FANCI: variants seen among roughly 807,000 people sequenced by gnomAD.
The protein encoded by FANCI is FA complementation group I.
Under a neutral mutation model 176.1 loss-of-function variants are expected in FANCI, and 156 were observed. The ratio of observed to expected loss-of-function variants is 0.89; its 90% confidence interval spans 0.78 to 1.01. The LOEUF is 1.01. Among genes scored for constraint, FANCI ranks in the 50% least tolerant of loss-of-function variants. The pLI is 0.00. For synonymous variants in FANCI, 613 were observed against 541.7 expected (o/e 1.13, Z -1.83); for missense variants, 1,678 against 1,534.1 (o/e 1.09, Z -1.57).
intron 26 of FANCI, among the ~76,000 whole-genome samples, chr15:89,301,082 T>C (rs2054508871): frequency 6.6e-6 from 1 of 152,232 alleles, no homozygotes; most frequent in Non-Finnish European, 1.5e-5. Flanking sequence ...ATTATCTACA[T>C]TTTGCATGGG....
chr15:89,260,048 C>A (rs541832086), intron 3 of FANCI, among the ~76,000 whole-genome samples: 2 of 148,324 alleles, frequency 1.3e-5, no homozygotes, highest in Non-Finnish European at 3.0e-5. Context: ...ACTGAGAAAC[C>A]GCCAAACTGT....
chr15:89,252,146 A>G (rs1424145341), intron 2 of FANCI, among the ~76,000 whole-genome samples: 2 of 152,016 alleles, frequency 1.3e-5, no homozygotes, highest in South Asian at 2.1e-4. Context: ...CTAAAAATAT[A>G]AAAATTAGCT....
At chr15:89,287,735 C>A (rs1169341894) in intron 18 of FANCI, among the ~76,000 whole-genome samples, 1 of 152,036 alleles carries the variant, frequency 6.6e-6, no homozygotes, top group Non-Finnish European at 1.5e-5. Flanking sequence ...TATTAATTGA[C>A]CTAATTTCAA....
intron 34 of FANCI, 88 bp from the exon 35 acceptor site, chr15:89,312,816 T>TA (rs11321073): frequency 0.024 from 20,990 of 858,434 alleles, 11 homozygotes; most frequent in Non-Finnish European, 0.029. Flanking sequence ...AGCTCTGTCT[T>TA]AAAAAAAAAA....
At chr15:89,309,263 G>T (rs1421358279) in intron 34 of FANCI, among the ~76,000 whole-genome samples, 1 of 151,994 alleles carries the variant, frequency 6.6e-6, no homozygotes, top group African/African-American at 2.4e-5. Context: ...CTATATATAG[G>T]ATATATATCT....
intron 2 of FANCI, among the ~76,000 whole-genome samples, chr15:89,253,914 A>ATAAAT (rs10657619): frequency 0.5 from 76,286 of 151,428 alleles, 19,539 homozygotes; most frequent in African/African-American, 0.6. Context: ...TAAGAGAAAA[A>ATAAAT]TAAAATAAAA....
At chr15:89,303,794 C>CT in intron 27 of FANCI, 70 bp from the exon 28 acceptor site, 1 of 1,386,770 alleles carries the variant, frequency 7.2e-7, no homozygotes, top group Non-Finnish European at 1.0e-6. Context: ...GTCTAGAACT[C>CT]TTCTGTTCTG....
intron 31 of FANCI, 114 bp from the exon 32 acceptor site, chr15:89,305,893 T>G (rs1194253495): frequency 2.6e-6 from 3 of 1,152,898 alleles, no homozygotes; most frequent in African/African-American, 1.5e-5. Context: ...GCATATTGAA[T>G]GTTCGTTTTT....
chr15:89,276,830 C>A lies in FANCI; in HGVS notation c.1232C>A (p.Ser411Tyr), dbSNP rs966274221. ...GKTIETSPSL[S>Y]RMPNQHACKL... is the part of the protein sequence containing the mutation. ...ACTATTGAAACCAGCCCAAGTCTTT[C>A]TAGAATGCCAAACCAGCATGCATGT... The change falls in exon 13 of 38, where the codon TCT (serine) becomes TAT (tyrosine). Residue 411 changes from serine (S) to tyrosine (Y), a missense_variant. Ser to Tyr is a moderately radical substitution (Grantham distance 144, BLOSUM62 -2). This residue lies in a region of FANCI where 1,204 missense variants were observed against 1,077.4 expected (regional missense o/e 1.12). Transcript: ENST00000310775. 6.2e-7 allele frequency: 1 copy of A among 1,614,014 alleles called. No individual in the cohort carries two copies. The highest frequency in any genetic ancestry group is 1.1e-5 in the South Asian group (1 of 91,084).
chr15:89,267,608 C>T (rs1264138259), intron 9 of FANCI, among the ~76,000 whole-genome samples: 1 of 152,008 alleles, frequency 6.6e-6, no homozygotes, highest in African/African-American at 2.4e-5. Context: ...TATGACTATA[C>T]ACATTTATTT....
At chr15:89,292,652 C>T in intron 20 of FANCI, 36 bp from the exon 21 acceptor site, 1 of 1,600,318 alleles carries the variant, frequency 6.2e-7, no homozygotes. Context: ...TCCATCAACA[C>T]TCAAGAGTAT....
intron 25 of FANCI, 46 bp downstream of exon 25, chr15:89,300,012 T>G: frequency 1.9e-6 from 3 of 1,598,522 alleles, no homozygotes; most frequent in Non-Finnish European, 2.6e-6. Context: ...AGGTTTCTCC[T>G]TAGCTCAACC....
intron 24 of FANCI, among the ~76,000 whole-genome samples, chr15:89,297,549 A>C (rs2054348463): frequency 6.6e-6 from 1 of 152,200 alleles, no homozygotes; most frequent in African/African-American, 2.4e-5. Context: ...ACTCGTGGTT[A>C]GGAGCTGGAG....
chr15:89,299,039 TG>T (rs1445781802), intron 24 of FANCI, among the ~76,000 whole-genome samples: 5 of 151,918 alleles, frequency 3.3e-5, no homozygotes, highest in Non-Finnish European at 7.4e-5. Flanking sequence ...CTGGGCGTGG[TG>T]GTATGCACTT....
At chr15:89,281,917 C>T in intron 16 of FANCI, 82 bp downstream of exon 16, 1 of 1,221,950 alleles carries the variant, frequency 8.2e-7, no homozygotes, top group South Asian at 1.2e-5. Flanking sequence ...CTCCTAGTAC[C>T]ACCTGTTCAC....
chr15:89,278,795 G>T, intron 14 of FANCI, 21 bp downstream of exon 14: 1 of 1,583,988 alleles, frequency 6.3e-7, no homozygotes. Flanking sequence ...TTGAAAGAAT[G>T]AATAAAGTTT....
At chr15:89,285,580 G>C (rs1421165739) in intron 18 of FANCI, among the ~76,000 whole-genome samples, 1 of 152,194 alleles carries the variant, frequency 6.6e-6, no homozygotes, top group Non-Finnish European at 1.5e-5. Context: ...TCACACCACT[G>C]CCCTCCAACC....
At chr15:89,259,647 T>A (rs2052634175) in intron 3 of FANCI, among the ~76,000 whole-genome samples, 17 of 152,190 alleles carry the variant, frequency 1.1e-4, no homozygotes, top group Admixed American at 1.1e-3. Context: ...ATGTCACCTC[T>A]CCAAACCCCT....
intron 2 of FANCI, among the ~76,000 whole-genome samples, chr15:89,251,172 A>G (rs867076592): frequency 1.3e-5 from 2 of 152,240 alleles, no homozygotes; most frequent in Non-Finnish European, 2.9e-5. Context: ...CTGTGAGACT[A>G]CAGTAGATTC....
Sources: gnomAD v4.1 joint callset for allele counts (sites outside exome capture counted in the v4.1 genomes callset) on GRCh38, gnomAD v4.1.1 for gene constraint, gnomAD v4.1.1 regional missense constraint, MANE v1.5 for transcripts, NCBI Gene and HGNC (gene_info 2026-07-23, HGNC 2026-07-21) for gene names.